Variants in MGAT4C observed in about 807,000 individuals in gnomAD.
MGAT4C encodes MGAT4 family member C, also known as alpha-1,3-mannosyl-glycoprotein 4-beta-N-acetylglucosaminyltransferase C.
Under a neutral mutation model 40.1 loss-of-function variants are expected in MGAT4C, and 19 were observed. The observed-to-expected ratio is 0.47, with a 90% CI of 0.33 to 0.70. MGAT4C has a LOEUF of 0.70. Ranked by LOEUF, MGAT4C falls within the 30% of genes least tolerant of loss-of-function variation. The pLI, the probability that MGAT4C is intolerant of heterozygous loss-of-function variation, is 0.02. For missense variants in MGAT4C, 491 were observed against 563.2 expected (o/e 0.87, Z 1.30); for synonymous variants, 181 against 187.1 (o/e 0.97, Z 0.27).
At chr12:86,349,627 C>T (rs556391679) in intron 3 of MGAT4C, among the ~76,000 whole-genome samples, 1 of 152,212 alleles carries the variant, frequency 6.6e-6, no homozygotes, top group South Asian at 2.1e-4. Context: ...TTTATCAGTG[C>T]ATTTAGAAAG....
chr12:86,377,769 G>T (rs1955858001), intron 3 of MGAT4C, among the ~76,000 whole-genome samples: 1 of 152,040 alleles, frequency 6.6e-6, no homozygotes, highest in Non-Finnish European at 1.5e-5. Flanking sequence ...CACTCACATT[G>T]TTGTGCAAGC....
chr12:86,456,556 A>G (rs1957514220), intron 2 of MGAT4C, among the ~76,000 whole-genome samples: 2 of 152,126 alleles, frequency 1.3e-5, no homozygotes, highest in East Asian at 3.9e-4. Flanking sequence ...TTGAGTTCTG[A>G]TATTTTAAGA....
intron 1 of MGAT4C, among the ~76,000 whole-genome samples, chr12:86,093,991 A>T (rs1873408502): frequency 6.6e-6 from 1 of 152,172 alleles, no homozygotes; most frequent in Non-Finnish European, 1.5e-5. Context: ...TAGACACTGA[A>T]GTTTCACACG....
chr12:86,020,825 G>C (rs1035693899), intron 2 of MGAT4C, among the ~76,000 whole-genome samples: 2 of 152,068 alleles, frequency 1.3e-5, no homozygotes, highest in Non-Finnish European at 2.9e-5. Flanking sequence ...GAAAATTTTT[G>C]CAATCTGCTC....
chr12:86,344,860 T>C (rs767637392), intron 3 of MGAT4C, among the ~76,000 whole-genome samples: 3 of 151,806 alleles, frequency 2.0e-5, no homozygotes, highest in Non-Finnish European at 4.4e-5. Flanking sequence ...TGTGACATAT[T>C]GACATATTTA....
rs995456136 is a variant in MGAT4C, at chr12:85,980,434, C to A, written c.296-4G>T. 1.3e-6 allele frequency: 2 copies of A among 1,557,854 alleles called. No homozygotes were observed. The highest frequency in any genetic ancestry group is 2.3e-5 in the East Asian group (1 of 44,290). On this transcript the variant is annotated splice_polypyrimidine_tract_variant and splice_region_variant and intron_variant, in intron 4 of 4. Coordinates refer to ENST00000611864, the MANE Select transcript of MGAT4C (RefSeq NM_001351288.2). ...GAAAGTCCAATTGTAAGATACCCTG[C>A]AAAAAAGAATTCAGAAGCAATACAA... is the stretch of plus-strand genomic sequence containing the variant.
intron 4 of MGAT4C, among the ~76,000 whole-genome samples, chr12:86,329,856 C>T (rs1438666658): frequency 1.3e-5 from 2 of 152,166 alleles, no homozygotes; most frequent in East Asian, 3.8e-4. Context: ...CTGCAGATCT[C>T]TGCACAGTTT....
chr12:86,478,901 T>A (rs1957886712), intron 2 of MGAT4C, among the ~76,000 whole-genome samples: 1 of 152,078 alleles, frequency 6.6e-6, no homozygotes, highest in Admixed American at 6.6e-5. Context: ...TTAATATCTA[T>A]TTTTAAAATA....
At chr12:86,310,975 G>T (rs1954059523) in intron 4 of MGAT4C, among the ~76,000 whole-genome samples, 1 of 152,132 alleles carries the variant, frequency 6.6e-6, no homozygotes, top group Non-Finnish European at 1.5e-5. Flanking sequence ...GGAATAAAAT[G>T]ATATCCTAAC....
At chr12:86,041,529 C>T (rs934986210) in intron 2 of MGAT4C, among the ~76,000 whole-genome samples, 5 of 152,110 alleles carry the variant, frequency 3.3e-5, no homozygotes, top group Admixed American at 3.3e-4. Flanking sequence ...TCTTTGTTCT[C>T]ATAAGTTTCA....
At chr12:86,765,458 G>A (rs4348968) in intron 1 of MGAT4C, among the ~76,000 whole-genome samples, 48,782 of 152,132 alleles carry the variant, frequency 0.32, 9,632 homozygotes, top group Admixed American at 0.46. Flanking sequence ...TATTATCCAG[G>A]AGAAATTCCC....
chr12:86,266,254 G>T (rs761444683), intron 4 of MGAT4C, among the ~76,000 whole-genome samples: 4 of 152,120 alleles, frequency 2.6e-5, no homozygotes, highest in Non-Finnish European at 5.9e-5. Context: ...TCCTAATTCA[G>T]TATGATATTG....
intron 1 of MGAT4C, among the ~76,000 whole-genome samples, chr12:86,753,685 C>A (rs1005097796): frequency 1.3e-5 from 2 of 151,560 alleles, no homozygotes; most frequent in East Asian, 3.9e-4. Context: ...TTAAAAAAAA[C>A]CTCAATTTAA....
chr12:86,602,664 G>A (rs1188136438), intron 2 of MGAT4C, among the ~76,000 whole-genome samples: 1 of 152,090 alleles, frequency 6.6e-6, no homozygotes, highest in East Asian at 1.9e-4. Context: ...TTTTTTAAAT[G>A]TTTTCTGAAC....
chr12:86,695,292 A>T (rs1273823478), intron 2 of MGAT4C, among the ~76,000 whole-genome samples: 1 of 152,218 alleles, frequency 6.6e-6, no homozygotes, highest in South Asian at 2.1e-4. Context: ...GGAAATAGAT[A>T]AAAAGGAACC....
chr12:86,775,993 A>G (rs961830835), intron 1 of MGAT4C, among the ~76,000 whole-genome samples: 4 of 152,024 alleles, frequency 2.6e-5, no homozygotes, highest in African/African-American at 9.7e-5. Flanking sequence ...ATAACTTATG[A>G]CTTTTAAAAT....
chr12:85,984,214 C>T (rs1302787064), intron 3 of MGAT4C, among the ~76,000 whole-genome samples: 3 of 152,086 alleles, frequency 2.0e-5, no homozygotes, highest in Non-Finnish European at 2.9e-5. Context: ...TTAAATAAGT[C>T]ACTTATGTGG....
At chr12:86,193,299 T>C (rs1889732605) in intron 1 of MGAT4C, among the ~76,000 whole-genome samples, 1 of 151,928 alleles carries the variant, frequency 6.6e-6, no homozygotes, top group Non-Finnish European at 1.5e-5. Context: ...TGCTTCCTTG[T>C]TTTAATATAT....
chr12:86,796,418 A>C (rs1044999104), intron 1 of MGAT4C, among the ~76,000 whole-genome samples: 3 of 152,040 alleles, frequency 2.0e-5, no homozygotes, highest in Non-Finnish European at 4.4e-5. Flanking sequence ...TTTTGACAAC[A>C]TGGATGAACC....
Sources: allele counts gnomAD v4.1 joint callset (sites outside exome capture counted in the v4.1 genomes callset), GRCh38; gene constraint gnomAD v4.1.1; transcripts MANE v1.5; gene names NCBI Gene and HGNC (gene_info 2026-07-23, HGNC 2026-07-21).